Variants in STARD13 observed in about 807,000 individuals in gnomAD.
The protein encoded by STARD13 is stAR-related lipid transfer protein 13.
A neutral mutation model predicts 106.4 loss-of-function variants in STARD13; 62 were observed. That is an observed-to-expected ratio of 0.58 (90% CI 0.48 to 0.72). STARD13 has a LOEUF of 0.72. Among genes scored for constraint, STARD13 ranks in the 30% least tolerant of loss-of-function variants. The pLI is 0.00. For synonymous variants in STARD13, 565 were observed against 553.0 expected, an observed-to-expected ratio of 1.02 and a Z score of -0.31; for missense variants, 1,387 against 1,424.0, an observed-to-expected ratio of 0.97 and a Z score of 0.42.
the STARD13 span, among the ~76,000 whole-genome samples, chr13:33,554,722 T>G: frequency 6.6e-6 from 1 of 152,176 alleles, no homozygotes; most frequent in African/African-American, 2.4e-5. Context: ...GTCTTACCCA[T>G]TTCAGAGGTT....
Position 33,110,730 on chromosome 13 carries a change from C to A in STARD13, c.2785G>T (p.Val929Phe). 1 of 1,614,236 alleles carries A rather than the reference C, an allele frequency of 6.2e-7. No homozygotes were observed. The highest frequency in any genetic ancestry group is 8.5e-7 in the Non-Finnish European group (1 of 1,180,038). The stretch of plus-strand genomic sequence containing the variant: ...GTATTGTCCGTGCTGGAGCACGTGA[C>A]CCATCCTTTGAACTTCTCCTTGGCT... ...KEAKEKFKGW[V>F]TCSSTDNTDL... Residue 929 changes from valine (V) to phenylalanine (F), a missense_variant, in exon 11 of 14, where the codon GTC becomes TTC. Val to Phe is a conservative substitution (Grantham distance 50). Transcript: ENST00000336934.
chr13:33,129,613 T>A lies in STARD13; in HGVS notation c.1064A>T (p.Glu355Val). The change falls in exon 5 of 14, where the codon GAG (glutamate) becomes GTG (valine). Residue 355 changes from glutamate to valine, a missense_variant. Glu to Val is a moderately radical substitution (Grantham distance 121). Coordinates refer to ENST00000336934, the MANE Select transcript of STARD13 (RefSeq NM_178006.4). Reference sequence around the variant, plus strand: ...GTACATGCCCCCGCGCTTGTTGGCCTCGTGGCACTTGCGTTCCTTCAGGCA... The same window carrying A: ...GTACATGCCCCCGCGCTTGTTGGCCACGTGGCACTTGCGTTCCTTCAGGCA... Reference protein sequence around the residue: ...TPCLKERKCHEANKRGGMYLE... With the variant: ...TPCLKERKCHVANKRGGMYLE... 1 of 1,614,042 alleles carries A rather than the reference T, an allele frequency of 6.2e-7. No homozygotes were observed. Among genetic ancestry groups the A allele is most frequent in the East Asian group, 2.2e-5 (1 of 44,874 alleles).
chr13:33,256,079 C>A (rs923106602), intron 1 of STARD13, among the ~76,000 whole-genome samples: 16 of 152,118 alleles, frequency 1.1e-4, no homozygotes, highest in African/African-American at 3.6e-4. Context: ...CTAAAGGAGC[C>A]AAGTATACAC....
chr13:33,164,987 C>G (rs1883154164), intron 3 of STARD13, among the ~76,000 whole-genome samples: 1 of 152,158 alleles, frequency 6.6e-6, no homozygotes, highest in Non-Finnish European at 1.5e-5. Context: ...ATCCACACCC[C>G]CAATCACTGT....
At chr13:33,266,816 T>C (rs1448643157) in intron 1 of STARD13, among the ~76,000 whole-genome samples, 3 of 152,252 alleles carry the variant, frequency 2.0e-5, no homozygotes, top group Admixed American at 6.5e-5. Context: ...CACTTACTTA[T>C]AATCTCCTTG....
intron 1 of STARD13, among the ~76,000 whole-genome samples, chr13:33,203,101 C>T (rs574032163): frequency 1.1e-4 from 16 of 152,348 alleles, no homozygotes; most frequent in African/African-American, 3.4e-4. Context: ...CAGTAAGGCA[C>T]ACATTCTGAT....
the STARD13 span, among the ~76,000 whole-genome samples, chr13:33,666,544 C>T: frequency 1.1e-3 from 170 of 152,062 alleles, 1 homozygote; most frequent in Non-Finnish European, 1.8e-3. Context: ...ATCTGCCCGC[C>T]TCAGCCTCCC....
intron 1 of STARD13, among the ~76,000 whole-genome samples, chr13:33,321,514 A>G (rs1594260570): frequency 1.3e-5 from 2 of 152,238 alleles, no homozygotes; most frequent in African/African-American, 4.8e-5. Flanking sequence ...AGGGAAAAAA[A>G]AAAAAAGGCA....
At chr13:33,575,807 A>G in the STARD13 span, among the ~76,000 whole-genome samples, 1 of 152,138 alleles carries the variant, frequency 6.6e-6, no homozygotes, top group South Asian at 2.1e-4. Context: ...TGAGCTAAAT[A>G]AGCCTCTTTT....
chr13:33,118,431 A>G (rs555794129), intron 7 of STARD13, among the ~76,000 whole-genome samples, 168 bp from the exon 8 acceptor site: 70 of 152,338 alleles, frequency 4.6e-4, no homozygotes, highest in South Asian at 1.7e-3. Flanking sequence ...TTCCTCTCCT[A>G]TGAAATGAAG....
At chr13:33,538,083 C>A in the STARD13 span, among the ~76,000 whole-genome samples, 1 of 151,928 alleles carries the variant, frequency 6.6e-6, no homozygotes, top group East Asian at 1.9e-4. Flanking sequence ...AAAAATGAGC[C>A]TATCTTTATT....
chr13:33,262,306 G>C (rs1326376732), intron 1 of STARD13, among the ~76,000 whole-genome samples: 1 of 152,154 alleles, frequency 6.6e-6, no homozygotes, highest in Admixed American at 6.5e-5. Flanking sequence ...GCTGGGCCCC[G>C]TCTGCCTGCC....
the STARD13 span, among the ~76,000 whole-genome samples, chr13:33,507,976 G>T: frequency 7.9e-5 from 12 of 152,252 alleles, no homozygotes; most frequent in African/African-American, 2.9e-4. Context: ...AAATCCACAC[G>T]TAAGTGGGCC....
intron 1 of STARD13, among the ~76,000 whole-genome samples, chr13:33,219,930 T>C (rs1228748476): frequency 6.6e-6 from 1 of 151,794 alleles, no homozygotes; most frequent in South Asian, 2.1e-4. Flanking sequence ...TTCCATGATA[T>C]ACCCACAGCA....
chr13:33,504,134 G>C, the STARD13 span, among the ~76,000 whole-genome samples: 1 of 152,122 alleles, frequency 6.6e-6, no homozygotes, highest in Non-Finnish European at 1.5e-5. Context: ...TGGAGAAATA[G>C]GAACACTTTT....
At chr13:33,113,180 G>C (rs1304212896) in intron 8 of STARD13, 1 of 512,936 alleles carries the variant, frequency 1.9e-6, no homozygotes, top group Non-Finnish European at 3.5e-6. Context: ...TGGCCAAGCA[G>C]GGTTTAGAAA....
intron 1 of STARD13, among the ~76,000 whole-genome samples, chr13:33,189,771 G>T (rs1446698561): frequency 1.3e-5 from 2 of 151,740 alleles, no homozygotes; most frequent in African/African-American, 4.8e-5. Flanking sequence ...TGTACAAAAT[G>T]GTCCTCTGCC....
intron 1 of STARD13, among the ~76,000 whole-genome samples, chr13:33,177,016 T>C (rs549719033): frequency 2.6e-5 from 4 of 152,306 alleles, no homozygotes; most frequent in African/African-American, 9.6e-5. Flanking sequence ...ATTTGATGTT[T>C]AAAAACAAAG....
chr13:33,495,979 TAATAG>T, the STARD13 span, among the ~76,000 whole-genome samples: 2 of 142,254 alleles, frequency 1.4e-5, no homozygotes, highest in African/African-American at 5.1e-5. Flanking sequence ...ATAATTATTA[TAATAG>T]ATAGTGAATA....
Sources: gnomAD v4.1 joint callset for allele counts (sites outside exome capture counted in the v4.1 genomes callset) on GRCh38, gnomAD v4.1.1 for gene constraint, MANE v1.5 for transcripts, NCBI Gene and HGNC (gene_info 2026-07-23, HGNC 2026-07-21) for gene names.